Variants in RC3H2 observed in about 807,000 individuals in gnomAD.
RC3H2 encodes ring finger and CCCH-type domains 2, also known as roquin-2.
Under a neutral mutation model 133.3 loss-of-function variants are expected in RC3H2, and 31 were observed. That is an observed-to-expected ratio of 0.23 (90% CI 0.17 to 0.31). The LOEUF is 0.31. RC3H2 is among the 10% of genes least tolerant of loss of function. The probability of loss-of-function intolerance (pLI) is 1.00; values close to 1 mark genes in which losing one functional copy is unlikely to be tolerated. For synonymous variants in RC3H2, 517 were observed against 502.2 expected, an observed-to-expected ratio of 1.03 and a Z score of -0.40; for missense variants, 1,175 against 1,437.2, an observed-to-expected ratio of 0.82 and a Z score of 2.95.
chr9:122,899,472 C>A (rs556342197), intron 1 of RC3H2, among the ~76,000 whole-genome samples: 1 of 152,040 alleles, frequency 6.6e-6, no homozygotes. Context: ...TAAAAAGCAC[C>A]CCTATACAAA....
chr9:122,863,486 TG>T (rs1392391526), intron 10 of RC3H2, among the ~76,000 whole-genome samples: 6 of 152,196 alleles, frequency 3.9e-5, no homozygotes, highest in South Asian at 2.1e-4. Flanking sequence ...CATGTTATGT[TG>T]TTTTTTTTCT....
intron 17 of RC3H2, 36 bp from the exon 18 acceptor site, chr9:122,854,122 C>G (rs201451895): frequency 5.0e-4 from 802 of 1,611,434 alleles, no homozygotes; most frequent in Non-Finnish European, 6.4e-4. Flanking sequence ...AGTTAGCTTC[C>G]AACTATAGCT....
intron 2 of RC3H2, 85 bp from the exon 3 acceptor site, chr9:122,893,111 G>T: frequency 2.0e-6 from 3 of 1,495,690 alleles, no homozygotes; most frequent in Non-Finnish European, 2.7e-6. Flanking sequence ...TAATAATCTT[G>T]GTGAGTATAA....
chr9:122,868,741 A>AAAAT lies in RC3H2; in HGVS notation c.1326-3088_1326-3085dup, dbSNP rs201602026. ...AGAAACACCCAAGAATGATCAATAAAAAATAAATAAATAAATAAATAAATA... is the reference window on the plus strand; with the variant it reads ...AGAAACACCCAAGAATGATCAATAAAAAATAAATAAATAAATAAATAAATAAATA... On this transcript the variant is annotated intron_variant, in intron 9 of 20. Transcript: ENST00000357244. Among the ~76,000 whole-genome samples, 367 of 151,772 alleles carry AAAAT rather than the reference A, an allele frequency of 2.4e-3. 1 individual carries two copies. Among genetic ancestry groups the AAAAT allele is most frequent in the Middle Eastern group, 6.8e-3 (2 of 292 alleles).
At chr9:122,888,735 G>A (rs1052797662) in intron 4 of RC3H2, among the ~76,000 whole-genome samples, 1 of 152,160 alleles carries the variant, frequency 6.6e-6, no homozygotes, top group Non-Finnish European at 1.5e-5. Context: ...ACCTTATTAC[G>A]CATAGGCATT....
Position 122,849,714 on chromosome 9 carries a change from G to C in RC3H2, c.3489C>G (p.Gly1163=). The change falls in exon 21 of 21, where the codon GGC becomes GGG. Residue 1163 remains glycine, a synonymous_variant. Coordinates refer to ENST00000357244, the MANE Select transcript of RC3H2 (RefSeq NM_001100588.3). ...TAACATGAGTTTTCAGAATGAGGTT[G>C]CCAGCACTGACAGATGTGGTGATGG... ...CLPITTSVSA[G]NLILKTHVMS... 3 of 1,609,768 alleles carry C rather than the reference G, an allele frequency of 1.9e-6. No individual in the cohort carries two copies. The highest frequency in any genetic ancestry group is 1.7e-6 in the Non-Finnish European group (2 of 1,177,668).
At chr9:122,852,231 G>T (rs1248929782) in intron 18 of RC3H2, among the ~76,000 whole-genome samples, 6 of 143,484 alleles carry the variant, frequency 4.2e-5, no homozygotes, top group Admixed American at 1.4e-4. Flanking sequence ...CGGCCGCCCC[G>T]TCTGAGAAGT....
intron 2 of RC3H2, 52 bp downstream of exon 2, chr9:122,897,226 CA>C: frequency 6.4e-7 from 1 of 1,558,546 alleles, no homozygotes; most frequent in South Asian, 1.1e-5. Context: ...AAAATAATGG[CA>C]AAAATAGTGA....
At chr9:122,882,051 T>G (rs561961838) in intron 5 of RC3H2, among the ~76,000 whole-genome samples, 10 of 151,880 alleles carry the variant, frequency 6.6e-5, no homozygotes, top group Non-Finnish European at 1.5e-4. Context: ...ATGGCACCAC[T>G]GCACTCCAGC....
At chr9:122,857,875 G>T in intron 13 of RC3H2, 48 bp downstream of exon 13, 2 of 1,517,098 alleles carry the variant, frequency 1.3e-6, no homozygotes, top group Non-Finnish European at 9.0e-7. Flanking sequence ...TTTGAAGTCA[G>T]CTGTTTGACC....
chr9:122,853,953 T>G lies in RC3H2; in HGVS notation c.3116A>C (p.Glu1039Ala). 6.2e-7 allele frequency: 1 copy of G among 1,614,200 alleles called. No individual in the cohort carries two copies. The highest frequency in any genetic ancestry group is 8.5e-7 in the Non-Finnish European group (1 of 1,180,028). ...AGCCGAAAGGTTCAGTTTCTTTACCTCTCCATTTCTTAGTTCAATTTCCTT... is the reference window on the plus strand; with the variant it reads ...AGCCGAAAGGTTCAGTTTCTTTACCGCTCCATTTCTTAGTTCAATTTCCTT... Reference protein sequence around the residue: ...LSKEIELRNGELQSDYTEDAT... With the variant: ...LSKEIELRNGALQSDYTEDAT... The change falls in exon 18 of 21, where the codon GAG becomes GCG. Residue 1039 changes from glutamate to alanine, a missense_variant and splice_region_variant. This residue lies in a region of RC3H2 where 220 missense variants were observed against 201.1 expected (regional missense o/e 1.09). Coordinates refer to ENST00000357244, the MANE Select transcript of RC3H2 (RefSeq NM_001100588.3).
At chr9:122,886,307 G>A (rs1257736974) in intron 4 of RC3H2, among the ~76,000 whole-genome samples, 2 of 152,128 alleles carry the variant, frequency 1.3e-5, no homozygotes, top group South Asian at 2.1e-4. Context: ...TTTATCACTT[G>A]ATGGACATTC....
rs10608695 is a variant in RC3H2 at position 122,859,252 on chromosome 9, C to CT, written c.1850-151dup. On this transcript the variant is annotated intron_variant, in intron 11 of 20. Coordinates refer to ENST00000357244, the MANE Select transcript of RC3H2 (RefSeq NM_001100588.3). ...TGCTTTATAAAGCTTTATACCCTGG[C>CT]TTTTTTTTTTTTTTTTTTTTTTGGT... is the stretch of plus-strand genomic sequence containing the variant. The CT allele has an allele frequency of 2.5e-3, 477 of 190,774 alleles. 31 individuals carry two copies. Among genetic ancestry groups the CT allele is most frequent in the African/African-American group, 0.021 (426 of 20,504 alleles). The allele number at this position is 190,774 out of a possible 1,614,324, so 11.8% of individuals were successfully genotyped here. A position where few individuals can be genotyped will look rare whatever the true frequency, so the allele number is the denominator to read the frequency against.
At chr9:122,899,125 C>T (rs1189692799) in intron 1 of RC3H2, among the ~76,000 whole-genome samples, 1 of 101,924 alleles carries the variant, frequency 9.8e-6, no homozygotes, top group African/African-American at 3.9e-5. Flanking sequence ...TTTTCAGAGA[C>T]AGAGTCTCCC....
At position 122,855,807 on chromosome 9, in the gene RC3H2, G is replaced by T; in HGVS notation, c.2526C>A (p.Gly842=). 1 of 1,613,498 alleles carries T rather than the reference G, an allele frequency of 6.2e-7. No individual in the cohort carries two copies. Among genetic ancestry groups the T allele is most frequent in the Non-Finnish European group, 8.5e-7 (1 of 1,179,666 alleles). The part of the protein sequence containing the change: ...HLSHYSPWSC[G]TIGSCINAID... ...TGGCATTTATACAGGAGCCTATGGT[G>T]CCACAAGACCAGGGAGAATAATGGG... is the stretch of plus-strand genomic sequence containing the variant. Residue 842 remains glycine (G), a synonymous_variant, in exon 14 of 21, where the codon GGC becomes GGA. Coordinates refer to ENST00000357244, the MANE Select transcript of RC3H2 (RefSeq NM_001100588.3).
Position 122,871,019 on chromosome 9 carries a change from T to G in RC3H2, c.1326-5362A>C, listed in dbSNP as rs545705944. Among the ~76,000 whole-genome samples the G allele has an allele frequency of 2.0e-5, 3 of 152,290 alleles. No homozygotes were observed. The South Asian group carries it at 6.2e-4, about 32-fold the overall frequency. On this transcript the variant is annotated intron_variant, in intron 9 of 20. Coordinates refer to ENST00000357244, the MANE Select transcript of RC3H2 (RefSeq NM_001100588.3). Reference sequence around the variant, plus strand: ...TTTCCCTTCCACTTTCAACCACCCCTCCTACAGCTAGATGATATTGTTTCC... The same window carrying G: ...TTTCCCTTCCACTTTCAACCACCCCGCCTACAGCTAGATGATATTGTTTCC...
chr9:122,859,183 C>A, intron 11 of RC3H2, 81 bp from the exon 12 acceptor site: 1 of 1,128,260 alleles, frequency 8.9e-7, no homozygotes, highest in Non-Finnish European at 1.2e-6. Context: ...TAAGGCAGCC[C>A]TTAATGTAGG....
intron 9 of RC3H2, 83 bp from the exon 10 acceptor site, chr9:122,865,740 A>G: frequency 1.7e-6 from 2 of 1,162,188 alleles, no homozygotes; most frequent in Non-Finnish European, 2.4e-6. Flanking sequence ...CAATGGGAAT[A>G]GATTGAAAAA....
Position 122,847,072 on chromosome 9 carries a change from C to A in RC3H2, c.*2555G>T, listed in dbSNP as rs1829886090. 1 of 152,100 alleles carries A rather than the reference C, an allele frequency of 6.6e-6. No individual in the cohort carries two copies. Among genetic ancestry groups the A allele is most frequent in the South Asian group, 2.1e-4 (1 of 4,828 alleles). The allele number at this position is 152,100 out of a possible 1,614,324, so 9.4% of individuals were successfully genotyped here. A position where few individuals can be genotyped will look rare whatever the true frequency, so the allele number is the denominator to read the frequency against. The stretch of plus-strand genomic sequence containing the variant: ...AGGGAGTTATTGTTTTATGGGATCA[C>A]CTGCTGCAAGACAAGCATTATTTTA... On this transcript the variant is annotated 3_prime_UTR_variant, in exon 21 of 21. Coordinates refer to ENST00000357244, the MANE Select transcript of RC3H2 (RefSeq NM_001100588.3).
Sources: gnomAD v4.1 joint callset for allele counts (sites outside exome capture counted in the v4.1 genomes callset) on GRCh38, gnomAD v4.1.1 for gene constraint, gnomAD v4.1.1 regional missense constraint, MANE v1.5 for transcripts, NCBI Gene and HGNC (gene_info 2026-07-23, HGNC 2026-07-21) for gene names.